KCNU1: variants seen among roughly 807,000 people sequenced by gnomAD.
KCNU1 encodes potassium calcium-activated channel subfamily U member 1.
A neutral mutation model predicts 126.8 loss-of-function variants in KCNU1; 93 were observed. The ratio of observed to expected loss-of-function variants is 0.73; its 90% CI spans 0.62 to 0.87. KCNU1 has a LOEUF of 0.87. Ranked by LOEUF, KCNU1 falls within the 40% of genes least tolerant of loss-of-function variation. The pLI, the probability that KCNU1 is intolerant of heterozygous loss-of-function variation, is 0.00. For missense variants in KCNU1, 1,330 were observed against 1,367.1 expected, an observed-to-expected ratio of 0.97 and a Z score of 0.43; for synonymous variants, 523 against 494.2, an observed-to-expected ratio of 1.06 and a Z score of -0.77.
intron 19 of KCNU1, among the ~76,000 whole-genome samples, chr8:36,888,059 A>T (rs1220046563): frequency 6.6e-6 from 1 of 152,106 alleles, no homozygotes; most frequent in East Asian, 1.9e-4. Context: ...GAGTCTGTTC[A>T]GTTGGTCGGG....
At chr8:36,814,173 T>G (rs756588055) in intron 7 of KCNU1, 34 bp from the exon 8 acceptor site, 13 of 1,563,128 alleles carry the variant, frequency 8.3e-6, no homozygotes, top group African/African-American at 1.4e-5. Flanking sequence ...TGGATTCTAT[T>G]CAGATGTTTC....
At chr8:36,792,983 C>T (rs959523696) in intron 2 of KCNU1, among the ~76,000 whole-genome samples, 1 of 151,972 alleles carries the variant, frequency 6.6e-6, no homozygotes, top group East Asian at 1.9e-4. Flanking sequence ...ATTTGAAAAA[C>T]CCAAATGTGG....
At chr8:36,895,496 G>A (rs1162101761) in intron 19 of KCNU1, among the ~76,000 whole-genome samples, 1 of 152,034 alleles carries the variant, frequency 6.6e-6, no homozygotes, top group Non-Finnish European at 1.5e-5. Flanking sequence ...TTCACTGCAG[G>A]TTTCATCATC....
chr8:36,858,304 T>A (rs996802570), intron 18 of KCNU1, among the ~76,000 whole-genome samples: 32 of 152,206 alleles, frequency 2.1e-4, no homozygotes, highest in Admixed American at 5.2e-4. Flanking sequence ...TATTTTTTTT[T>A]AAAATGTCTT....
At position 36,834,849 on chromosome 8, in the gene KCNU1, G is replaced by A; in HGVS notation, c.1276G>A (p.Asp426Asn). The A allele has an allele frequency of 1.9e-6, 3 of 1,610,436 alleles. No individual in the cohort carries two copies. The highest frequency in any genetic ancestry group is 2.5e-6 in the Non-Finnish European group (3 of 1,177,602). ...NPLCSDSHAEDISNIMRVLSI... is the reference protein window; with the variant it reads ...NPLCSDSHAENISNIMRVLSI... ...TTTGTGCAGTGATTCCCATGCTGAA[G>A]ATATTTCCAACATTATGAGGTAAGA... Residue 426 changes from aspartate to asparagine, a missense_variant, in exon 12 of 27, where the codon GAT becomes AAT. Coordinates refer to ENST00000399881, the MANE Select transcript of KCNU1 (RefSeq NM_001031836.3).
chr8:36,813,267 C>A (rs1044352090), intron 7 of KCNU1, among the ~76,000 whole-genome samples: 8 of 151,968 alleles, frequency 5.3e-5, no homozygotes, highest in Admixed American at 3.3e-4. Context: ...AAAAAGGGAA[C>A]AAATATCTGA....
At chr8:36,889,406 A>C (rs1369296404) in intron 19 of KCNU1, 2 of 352,124 alleles carry the variant, frequency 5.7e-6, no homozygotes, top group Non-Finnish European at 1.1e-5. Context: ...AATGAGACTG[A>C]TGTCATCTTG....
At chr8:36,898,979 C>A (rs1807308345) in intron 19 of KCNU1, among the ~76,000 whole-genome samples, 3 of 152,002 alleles carry the variant, frequency 2.0e-5, no homozygotes, top group Admixed American at 2.0e-4. Context: ...ATGCAATTTC[C>A]ATGAAATATA....
At chr8:36,903,686 A>G (rs1807509563) in intron 19 of KCNU1, among the ~76,000 whole-genome samples, 1 of 152,132 alleles carries the variant, frequency 6.6e-6, no homozygotes, top group South Asian at 2.1e-4. Context: ...CACTGTGACT[A>G]TATTAGTTTG....
chr8:36,864,516 C>T lies in KCNU1; in HGVS notation c.2004C>T (p.Thr668=), dbSNP rs1385012908. 7.5e-6 allele frequency: 12 copies of T among 1,595,596 alleles called. No individual in the cohort carries two copies. In the Admixed American group the frequency reaches 2.0e-4, roughly 27 times the overall value. Residue 668 remains threonine (T), a synonymous_variant, in exon 19 of 27, where the codon ACC becomes ACT. Transcript: ENST00000399881. ...GCACTTCGAGCATATCAAACTTCAC[C>T]ACCAGGTAAAAGCTGCAGAGAACCC... ...SASTSSISNF[T]TRTLQHDVEQ... is the part of the protein sequence containing the mutation.
At chr8:36,839,892 T>C (rs1804888271) in intron 14 of KCNU1, among the ~76,000 whole-genome samples, 1 of 152,156 alleles carries the variant, frequency 6.6e-6, no homozygotes, top group African/African-American at 2.4e-5. Flanking sequence ...TGAGATATCT[T>C]TCTCCTTTCA....
chr8:36,855,755 CTTTTA>C (rs1018692868), intron 18 of KCNU1, among the ~76,000 whole-genome samples: 1 of 151,944 alleles, frequency 6.6e-6, no homozygotes, highest in African/African-American at 2.4e-5. Context: ...CTTCCTCTAC[CTTTTA>C]TTTTATTTTT....
intron 19 of KCNU1, chr8:36,888,427 A>G (rs929316978): frequency 2.2e-5 from 9 of 400,706 alleles, no homozygotes; most frequent in Admixed American, 6.6e-5. Flanking sequence ...CGTGCTCTGA[A>G]CTCCAGGCTT....
intron 19 of KCNU1, among the ~76,000 whole-genome samples, chr8:36,885,537 G>A (rs1223781056): frequency 6.6e-6 from 1 of 152,022 alleles, no homozygotes; most frequent in Non-Finnish European, 1.5e-5. Context: ...CTGGGCAACA[G>A]AGCAAAACTC....
At chr8:36,889,728 G>T (rs1330824463) in intron 19 of KCNU1, among the ~76,000 whole-genome samples, 2 of 152,068 alleles carry the variant, frequency 1.3e-5, no homozygotes, top group East Asian at 1.9e-4. Context: ...TAGTAGCTGA[G>T]ACCTTTCTAA....
At chr8:36,822,567 G>A (rs1361656838) in intron 10 of KCNU1, among the ~76,000 whole-genome samples, 1 of 151,994 alleles carries the variant, frequency 6.6e-6, no homozygotes, top group East Asian at 1.9e-4. Context: ...TCTTTCTTTG[G>A]TTACTTGTTT....
chr8:36,897,914 C>T (rs1168164631), intron 19 of KCNU1, among the ~76,000 whole-genome samples: 2 of 152,080 alleles, frequency 1.3e-5, no homozygotes, highest in Non-Finnish European at 2.9e-5. Flanking sequence ...CGTGAGTGAT[C>T]CCAAATGGCC....
At chr8:36,840,766 G>A (rs1005164677) in intron 15 of KCNU1, among the ~76,000 whole-genome samples, 166 bp from the exon 16 acceptor site, 16 of 152,192 alleles carry the variant, frequency 1.1e-4, no homozygotes, top group African/African-American at 2.9e-4. Flanking sequence ...TTGGTGCAGT[G>A]GCTGTTGGTT....
chr8:36,915,939 G>A (rs141115094), intron 22 of KCNU1, among the ~76,000 whole-genome samples: 41 of 151,394 alleles, frequency 2.7e-4, no homozygotes, highest in Non-Finnish European at 5.6e-4. Flanking sequence ...AAGAAAGGGA[G>A]GGAGGAGGAA....
Sources: allele counts gnomAD v4.1 joint callset (sites outside exome capture counted in the v4.1 genomes callset), GRCh38; gene constraint gnomAD v4.1.1; transcripts MANE v1.5; gene names NCBI Gene and HGNC (gene_info 2026-07-23, HGNC 2026-07-21).